The following KCNT1 variants were observed in gnomAD, a reference collection of about 807,000 sequenced individuals.
The protein encoded by KCNT1 is potassium channel subfamily T member 1.
A neutral mutation model predicts 147.8 loss-of-function variants in KCNT1; 78 were observed. The ratio of observed to expected loss-of-function variants is 0.53; its 90% CI spans 0.44 to 0.64. KCNT1 has a LOEUF of 0.64. Ranked by LOEUF, KCNT1 falls within the 30% of genes least tolerant of loss-of-function variation. The probability of loss-of-function intolerance (pLI) is 0.00; values close to 1 mark genes in which losing one functional copy is unlikely to be tolerated. For synonymous variants in KCNT1, 867 were observed against 748.8 expected (o/e 1.16, Z -2.58); for missense variants, 1,419 against 1,750.3 (o/e 0.81, Z 3.38).
chr9:135,730,989 G>GCAAAAA lies in KCNT1; in HGVS notation c.254+16269_254+16270insCAAAAA, dbSNP rs1564327003. ...CAACAAAGTGAGATCCCGTCTCAAG[G>GCAAAAA]TAAAAAAAAAAAAAAAAAAAAAAAG... is the stretch of plus-strand genomic sequence containing the variant. On this transcript the variant is annotated intron_variant, in intron 2 of 30. Coordinates refer to ENST00000371757, the MANE Select transcript of KCNT1 (RefSeq NM_020822.3). The surrounding 1 kb of genome is among the most constrained non-coding windows in gnomAD (Gnocchi z 4.7). Among the ~76,000 whole-genome samples, 3 of 39,652 alleles carry GCAAAAA rather than the reference G, an allele frequency of 7.6e-5. No homozygotes were observed. The highest frequency in any genetic ancestry group is 2.9e-4 in the African/African-American group (3 of 10,194). The allele number at this position is 39,652 out of a possible 152,430, so 26.0% of individuals were successfully genotyped here.
intron 2 of KCNT1, among the ~76,000 whole-genome samples, chr9:135,739,138 T>G (rs1830457423): frequency 6.6e-6 from 1 of 152,060 alleles, no homozygotes; most frequent in Non-Finnish European, 1.5e-5. Context: ...CATCCTACTC[T>G]TCTGGCCCTA....
chr9:135,745,217 A>G (rs1447416399), intron 2 of KCNT1, among the ~76,000 whole-genome samples: 6 of 152,120 alleles, frequency 3.9e-5, no homozygotes, highest in Non-Finnish European at 5.9e-5. Context: ...GTCCTTGCCT[A>G]TTGTCCTGGG....
At chr9:135,774,287 T>G (rs567513165) in intron 19 of KCNT1, among the ~76,000 whole-genome samples, 1 of 141,690 alleles carries the variant, frequency 7.1e-6, no homozygotes, top group Admixed American at 7.1e-5. Flanking sequence ...TGTGGTGTGT[T>G]GTGTGTGGTG....
In KCNT1 at chr9:135,774,557, CTG is replaced by C. The variant is rs529827442; in HGVS notation, c.2244-748_2244-747del. ...GTGTCTGTGTAGTGTGTTGTGTGGT[CTG>C]TGTGGTGTGTCTGTGTGTTGTGTGT... On this transcript the variant is annotated intron_variant, in intron 19 of 30. Coordinates refer to ENST00000371757, the MANE Select transcript of KCNT1 (RefSeq NM_020822.3). Among the ~76,000 whole-genome samples the C allele has an allele frequency of 4.0e-4, 51 of 128,376 alleles. No homozygotes were observed. The South Asian group carries it at 9.3e-3, about 23-fold the overall frequency. 84.2% of individuals were successfully genotyped at this position (128,376 alleles called of 152,430 possible).
intron 2 of KCNT1, among the ~76,000 whole-genome samples, chr9:135,724,785 G>A (rs149094971): frequency 6.4e-4 from 98 of 152,318 alleles, no homozygotes; most frequent in Admixed American, 2.4e-3. Flanking sequence ...GGGCTGCCCC[G>A]AGAGGCCCAA....
intron 2 of KCNT1, among the ~76,000 whole-genome samples, chr9:135,744,909 G>A (rs1419233966): frequency 6.6e-6 from 1 of 152,238 alleles, no homozygotes; most frequent in Non-Finnish European, 1.5e-5. Context: ...GGCAGTGGCG[G>A]TCCCTGGTGT....
chr9:135,732,008 A>AGAGAGAGAGAGAGT (rs1588279389), intron 2 of KCNT1, among the ~76,000 whole-genome samples: 1 of 97,868 alleles, frequency 1.0e-5, no homozygotes, highest in Non-Finnish European at 2.1e-5. Flanking sequence ...AGAGAGAGAG[A>AGAGAGAGAGAGAGT]GAGAGAGAGA....
Position 135,736,713 on chromosome 9 carries a change from C to T in KCNT1, c.255-13385C>T, listed in dbSNP as rs529518825. On this transcript the variant is annotated intron_variant, in intron 2 of 30. Coordinates refer to ENST00000371757, the MANE Select transcript of KCNT1 (RefSeq NM_020822.3). Reference sequence around the variant, plus strand: ...GCGCCCCAGCCGGCGCCGCAGCCCCCGAGGAGCCTCACGGGCTCAGCCCGC... The same window carrying T: ...GCGCCCCAGCCGGCGCCGCAGCCCCTGAGGAGCCTCACGGGCTCAGCCCGC... 2.2e-3 allele frequency: 818 copies of T among 364,298 alleles called. 9 individuals carry two copies. Among genetic ancestry groups the T allele is most frequent in the African/African-American group, 0.015 (716 of 47,314 alleles). The allele number at this position is 364,298 out of a possible 1,614,324, so 22.6% of individuals were successfully genotyped here. A position where few individuals can be genotyped will look rare whatever the true frequency, so the allele number is the denominator to read the frequency against.
intron 1 of KCNT1, among the ~76,000 whole-genome samples, chr9:135,708,189 CACAT>C (rs1835332939): frequency 6.6e-6 from 1 of 152,232 alleles, no homozygotes; most frequent in East Asian, 1.9e-4. Context: ...GATGCCCACA[CACAT>C]ACAGGCACAT....
Position 135,779,377 on chromosome 9 carries a change from C to T in KCNT1, c.2748C>T (p.Ser916=), listed in dbSNP as rs1294495154. ...CCCCCAGGCTCTTCCCCAGCCTCAG[C>T]ATCACCACGGAGCTCACCCACCCTT... ...QTMFRLFPSL[S]ITTELTHPSN... is the part of the protein sequence containing the mutation. The change falls in exon 24 of 31, where the codon AGC becomes AGT. Residue 916 remains serine (S), a synonymous_variant. Transcript: ENST00000371757. 2.5e-6 allele frequency: 4 copies of T among 1,613,670 alleles called. 1 individual carries two copies. In the South Asian group the frequency reaches 4.4e-5, roughly 18 times the overall value.
chr9:135,769,877 G>A (rs1832625134), intron 15 of KCNT1, 70 bp from the exon 16 acceptor site: 3 of 1,132,632 alleles, frequency 2.6e-6, no homozygotes, highest in Non-Finnish European at 3.9e-6. Flanking sequence ...TTCAGGAAGT[G>A]AGCAGGTACT....
At chr9:135,705,732 T>C (rs1835224537) in intron 1 of KCNT1, among the ~76,000 whole-genome samples, 1 of 152,238 alleles carries the variant, frequency 6.6e-6, no homozygotes, top group Middle Eastern at 3.2e-3. Context: ...GGGCTGGAAC[T>C]GAGGCCAGGA....
chr9:135,783,525 G>A (rs1033101724), intron 24 of KCNT1, among the ~76,000 whole-genome samples: 1 of 152,184 alleles, frequency 6.6e-6, no homozygotes, highest in Admixed American at 6.5e-5. Flanking sequence ...CATTTGTTAC[G>A]GGAGCCCCAG....
Position 135,742,254 on chromosome 9 carries a change from G to C in KCNT1, c.255-7844G>C, listed in dbSNP as rs530519837. ...TGTAGGGCAGGGGAGTGGAGACAAG[G>C]GGACAGCCTCGCAGACCTCGGCATG... On this transcript the variant is annotated intron_variant, in intron 2 of 30. Transcript: ENST00000371757. Among the ~76,000 whole-genome samples, 5 of 152,342 alleles carry C rather than the reference G, an allele frequency of 3.3e-5. No individual in the cohort carries two copies. In the East Asian group the frequency reaches 9.6e-4, roughly 29 times the overall value.
chr9:135,777,266 T>C, intron 20 of KCNT1, 72 bp from the exon 21 acceptor site: 5 of 1,505,894 alleles, frequency 3.3e-6, no homozygotes, highest in Non-Finnish European at 4.5e-6. Flanking sequence ...TGGTGAGGGG[T>C]CTGGGAGGGC....
chr9:135,783,138 G>A (rs555054467), intron 24 of KCNT1, among the ~76,000 whole-genome samples: 48 of 152,340 alleles, frequency 3.2e-4, no homozygotes, highest in African/African-American at 8.9e-4. Context: ...GGCCACGGCC[G>A]GGTCCGGAGC....
In KCNT1 at chr9:135,757,393, C is replaced by T. The variant is rs1434282381; in HGVS notation, c.759+12C>T. ...TGGAAAACATGATTGTAAGCCGGGG[C>T]GGGGGGTGCAGCTGGGACTTGGGGG... On this transcript the variant is annotated intron_variant, in intron 9 of 30. Transcript: ENST00000371757. 7.5e-6 allele frequency: 12 copies of T among 1,603,428 alleles called. No homozygotes were observed. The highest frequency in any genetic ancestry group is 1.7e-4 in the Middle Eastern group (1 of 6,052).
intron 12 of KCNT1, among the ~76,000 whole-genome samples, 153 bp downstream of exon 12, chr9:135,765,348 ACGC>A (rs1564362761): frequency 4.5e-5 from 6 of 134,382 alleles, no homozygotes; most frequent in African/African-American, 1.7e-4. Context: ...GCGCCCAGAG[ACGC>A]CATCCTCTCC....
intron 2 of KCNT1, among the ~76,000 whole-genome samples, chr9:135,719,029 C>T (rs1016799085): frequency 1.3e-5 from 2 of 152,206 alleles, no homozygotes; most frequent in South Asian, 2.1e-4. Context: ...GATGGTGTCT[C>T]GGGTGCTCCC....
Sources: gnomAD v4.1 joint callset for allele counts (sites outside exome capture counted in the v4.1 genomes callset) on GRCh38, gnomAD v4.1.1 for gene constraint, Gnocchi (gnomAD v3.1) non-coding constraint, MANE v1.5 for transcripts, NCBI Gene and HGNC (gene_info 2026-07-23, HGNC 2026-07-21) for gene names.